The following TSHR variants were observed in gnomAD, a reference collection of about 807,000 sequenced individuals.
TSHR encodes the protein thyrotropin receptor.
A neutral mutation model predicts 64.1 loss-of-function variants in TSHR; 51 were observed. The observed-to-expected ratio is 0.80, with a 90% CI of 0.64 to 1.01. The LOEUF is 1.01. TSHR is among the 50% of genes least tolerant of loss of function. The pLI, the probability that TSHR is intolerant of heterozygous loss-of-function variation, is 0.00. For synonymous variants in TSHR, 361 were observed against 361.9 expected (o/e 1.00, Z 0.03); for missense variants, 877 against 942.8 (o/e 0.93, Z 0.91).
chr14:81,090,842 T>A (rs1888674360), intron 4 of TSHR, among the ~76,000 whole-genome samples: 2 of 152,170 alleles, frequency 1.3e-5, no homozygotes, highest in South Asian at 4.1e-4. Flanking sequence ...GCAGATGTAT[T>A]GACACCAGTG....
At chr14:81,109,270 G>A (rs1336870207) in intron 8 of TSHR, among the ~76,000 whole-genome samples, 2 of 151,988 alleles carry the variant, frequency 1.3e-5, no homozygotes, top group Non-Finnish European at 2.9e-5. Flanking sequence ...TTAGCTGGGC[G>A]TAGTGGCGGG....
chr14:81,073,683 T>G (rs1887282075), intron 3 of TSHR, among the ~76,000 whole-genome samples: 1 of 152,156 alleles, frequency 6.6e-6, no homozygotes, highest in South Asian at 2.1e-4. Flanking sequence ...AAAGTCATAC[T>G]TAGAAGAAAA....
rs374811360 is a variant in TSHR, at chr14:81,080,039, G to A, written c.318-7915G>A. On this transcript the variant is annotated intron_variant, in intron 3 of 9. Coordinates refer to ENST00000298171, the MANE Select transcript of TSHR (RefSeq NM_000369.5). Reference sequence around the variant, plus strand: ...GCAATCTCAGCTCACTGCAACCTCCGCCTCCTGGGTTCAAGGGATTCTCCT... The same window carrying A: ...GCAATCTCAGCTCACTGCAACCTCCACCTCCTGGGTTCAAGGGATTCTCCT... Among the ~76,000 whole-genome samples the A allele has an allele frequency of 1.1e-3, 160 of 152,112 alleles. 1 individual carries two copies. Among genetic ancestry groups the A allele is most frequent in the African/African-American group, 3.7e-3 (152 of 41,514 alleles).
intron 1 of TSHR, among the ~76,000 whole-genome samples, chr14:81,041,291 T>C (rs1884909305): frequency 6.6e-6 from 1 of 152,034 alleles, no homozygotes; most frequent in Non-Finnish European, 1.5e-5. Context: ...AATGATAGAA[T>C]GGATAAAAAA....
intron 1 of TSHR, chr14:81,001,833 G>A (rs1889339157): frequency 4.3e-6 from 1 of 233,788 alleles, no homozygotes; most frequent in African/African-American, 2.3e-5. Flanking sequence ...TAGGGGAAGA[G>A]CGGGACTAAC....
rs1368060812 is a variant in TSHR, at chr14:81,142,993, GA to G, written c.939del (p.Lys313AsnfsTer3). The G allele has an allele frequency of 1.2e-6, 2 of 1,614,052 alleles. No homozygotes were observed. Among genetic ancestry groups the G allele is most frequent in the African/African-American group, 2.7e-5 (2 of 74,926 alleles). On this transcript the variant is annotated frameshift_variant, in exon 10 of 10. Coordinates refer to ENST00000298171, the MANE Select transcript of TSHR (RefSeq NM_000369.5). LOFTEE classifies it high-confidence loss of function. ...NESSMQSLRQ[R>X]KSVNALNSPL... Reference sequence around the variant, plus strand: ...AGCAGTATGCAGAGCTTGCGCCAGAGAAAATCTGTGAATGCCTTGAATAGCC... The same window carrying G: ...AGCAGTATGCAGAGCTTGCGCCAGAGAAATCTGTGAATGCCTTGAATAGCC...
Position 81,089,156 on chromosome 14 carries a change from T to G in TSHR, c.392+1128T>G, listed in dbSNP as rs750525119. On this transcript the variant is annotated intron_variant, in intron 4 of 9. Coordinates refer to ENST00000298171, the MANE Select transcript of TSHR (RefSeq NM_000369.5). ...GTGTGCACCACCATGCCCAGCTAAT[T>G]TTTGTATTTTTAGTAGAGATGGGGT... Among the ~76,000 whole-genome samples, 181 of 151,884 alleles carry G rather than the reference T, an allele frequency of 1.2e-3. 1 individual carries two copies. Among genetic ancestry groups the G allele is most frequent in the Non-Finnish European group, 2.0e-3 (133 of 67,938 alleles).
chr14:81,077,680 C>A (rs1887601321), intron 3 of TSHR, among the ~76,000 whole-genome samples: 1 of 152,160 alleles, frequency 6.6e-6, no homozygotes, highest in Non-Finnish European at 1.5e-5. Flanking sequence ...TAATCCATGA[C>A]ATTTATTGTA....
chr14:81,097,847 G>T (rs1442928004), intron 7 of TSHR, among the ~76,000 whole-genome samples: 2 of 152,162 alleles, frequency 1.3e-5, no homozygotes, highest in African/African-American at 4.8e-5. Context: ...TTTATGAAAT[G>T]AAGAGTTACA....
intron 3 of TSHR, among the ~76,000 whole-genome samples, chr14:81,071,707 G>C (rs1887082803): frequency 6.6e-6 from 1 of 152,164 alleles, no homozygotes; most frequent in Non-Finnish European, 1.5e-5. Context: ...GCTGCAGTGA[G>C]CTATGATCAC....
chr14:81,033,700 A>G (rs1884478078), intron 1 of TSHR, among the ~76,000 whole-genome samples: 2 of 152,192 alleles, frequency 1.3e-5, no homozygotes, highest in African/African-American at 2.4e-5. Context: ...AAGAATTTTC[A>G]GTGAAACTAG....
At chr14:80,980,631 C>A (rs994141704) in intron 1 of TSHR, among the ~76,000 whole-genome samples, 4 of 150,986 alleles carry the variant, frequency 2.6e-5, no homozygotes, top group African/African-American at 7.3e-5. Flanking sequence ...TTTTTATTTA[C>A]CCTGCTTTGA....
intron 9 of TSHR, among the ~76,000 whole-genome samples, chr14:81,142,478 T>C (rs907735511): frequency 2.0e-5 from 3 of 151,948 alleles, no homozygotes; most frequent in South Asian, 4.1e-4. Context: ...GGGGAGGTCA[T>C]AGGAATGATG....
intron 5 of TSHR, among the ~76,000 whole-genome samples, chr14:81,091,882 A>C (rs1424141996): frequency 1.3e-5 from 2 of 152,222 alleles, no homozygotes; most frequent in East Asian, 3.9e-4. Context: ...TTGTCTTACT[A>C]ATTGTATAGG....
At chr14:81,084,715 T>G (rs1888157123) in intron 3 of TSHR, among the ~76,000 whole-genome samples, 1 of 152,180 alleles carries the variant, frequency 6.6e-6, no homozygotes, top group South Asian at 2.1e-4. Flanking sequence ...CTTTTCTTTC[T>G]TCCAATGTCT....
At chr14:81,141,797 A>G (rs1422612585) in intron 9 of TSHR, among the ~76,000 whole-genome samples, 1 of 152,206 alleles carries the variant, frequency 6.6e-6, no homozygotes, top group South Asian at 2.1e-4. Context: ...AAACTAAATA[A>G]TGATGAGTAG....
At chr14:80,966,143 G>A (rs1445509308) in intron 1 of TSHR, among the ~76,000 whole-genome samples, 1 of 152,170 alleles carries the variant, frequency 6.6e-6, no homozygotes, top group Non-Finnish European at 1.5e-5. Context: ...CTCCAGCGAG[G>A]AGACTGAAAT....
At position 81,144,682 on chromosome 14, in the gene TSHR, T is replaced by C. The variant is rs1891863980; in HGVS notation, c.*329T>C. 1 of 337,330 alleles carries C rather than the reference T, an allele frequency of 3.0e-6. No homozygotes were observed. The highest frequency in any genetic ancestry group is 5.5e-6 in the Non-Finnish European group (1 of 183,162). The allele number at this position is 337,330 out of a possible 1,614,324, so 20.9% of individuals were successfully genotyped here. On this transcript the variant is annotated 3_prime_UTR_variant, in exon 10 of 10. Transcript: ENST00000298171. ...GTAAATATTAACTGAGCTATGTCAATATAGAGCTTCTCAGTTTTGTATAAC... is the reference window on the plus strand; with the variant it reads ...GTAAATATTAACTGAGCTATGTCAACATAGAGCTTCTCAGTTTTGTATAAC...
At chr14:81,013,386 GC>G (rs1325200827) in intron 1 of TSHR, 5 of 152,146 alleles carry the variant, frequency 3.3e-5, no homozygotes, top group African/African-American at 9.7e-5. Context: ...GATGCCTCCA[GC>G]TTTGTTCTTT....
Sources: allele counts gnomAD v4.1 joint callset (sites outside exome capture counted in the v4.1 genomes callset), GRCh38; gene constraint gnomAD v4.1.1; transcripts MANE v1.5; gene names NCBI Gene and HGNC (gene_info 2026-07-23, HGNC 2026-07-21).